RASGRF2: variants seen among roughly 807,000 people sequenced by gnomAD.
The protein encoded by RASGRF2 is ras-specific guanine nucleotide-releasing factor 2.
A neutral mutation model predicts 151.0 loss-of-function variants in RASGRF2; 76 were observed. That is an observed-to-expected ratio of 0.50 (90% confidence interval 0.42 to 0.61). RASGRF2 has a LOEUF of 0.61. Among genes scored for constraint, RASGRF2 ranks in the 20% least tolerant of loss-of-function variants. The pLI is 0.00. For synonymous variants in RASGRF2, 504 were observed against 566.5 expected, an observed-to-expected ratio of 0.89 and a Z score of 1.57; for missense variants, 1,148 against 1,564.6, an observed-to-expected ratio of 0.73 and a Z score of 4.49.
intron 17 of RASGRF2, among the ~76,000 whole-genome samples, chr5:81,156,943 CT>C (rs1351507354): frequency 2.0e-5 from 3 of 152,102 alleles, no homozygotes; most frequent in Non-Finnish European, 4.4e-5. Flanking sequence ...CAAAAAGCCC[CT>C]ACTCAAACTA....
intron 17 of RASGRF2, among the ~76,000 whole-genome samples, chr5:81,140,048 C>A (rs1160783665): frequency 6.6e-6 from 1 of 152,004 alleles, no homozygotes; most frequent in East Asian, 1.9e-4. Context: ...AGGCTGGTCT[C>A]CAACCCCCGT....
In RASGRF2 at chr5:81,141,724, C is replaced by T. The variant is rs1753889824; in HGVS notation, c.2686+14561C>T. On this transcript the variant is annotated intron_variant, in intron 17 of 26. Coordinates refer to ENST00000265080, the MANE Select transcript of RASGRF2 (RefSeq NM_006909.3). ...CTAGCATTCCCCTAAGTGATAGACA[C>T]AGCAGTTTGGGGACTCCAGAGAGAT... is the stretch of plus-strand genomic sequence containing the variant. Among the ~76,000 whole-genome samples, 4 of 152,166 alleles carry T rather than the reference C, an allele frequency of 2.6e-5. No homozygotes were observed. The South Asian group carries it at 8.3e-4, about 32-fold the overall frequency.
At chr5:80,968,946 A>G (rs535017441) in intron 1 of RASGRF2, among the ~76,000 whole-genome samples, 4 of 152,132 alleles carry the variant, frequency 2.6e-5, no homozygotes, top group African/African-American at 7.2e-5. Context: ...GGCCTCCCAA[A>G]GTGCTGAGAT....
chr5:81,148,514 T>C (rs1402350079), intron 17 of RASGRF2, among the ~76,000 whole-genome samples: 2 of 152,210 alleles, frequency 1.3e-5, no homozygotes, highest in East Asian at 3.9e-4. Context: ...TTTAGGGATC[T>C]GAACCTATTT....
At position 81,180,406 on chromosome 5, in the gene RASGRF2, TAGGAA is replaced by T. The variant is rs1301257888; in HGVS notation, c.2793+126_2793+130del. On this transcript the variant is annotated intron_variant, in intron 18 of 26. Transcript: ENST00000265080. ...AATGTGAAACCTTGACACTGGAACT[TAGGAA>T]GGGAAGAAATAGGCTAGGCATACAG... is the stretch of plus-strand genomic sequence containing the variant. 8 of 641,550 alleles carry T rather than the reference TAGGAA, an allele frequency of 1.2e-5. No homozygotes were observed. In the African/African-American group the frequency reaches 1.3e-4, roughly 10 times the overall value. 39.7% of individuals were successfully genotyped at this position (641,550 alleles called of 1,614,324 possible).
chr5:81,088,871 T>G (rs1444978476), intron 9 of RASGRF2, among the ~76,000 whole-genome samples: 1 of 152,178 alleles, frequency 6.6e-6, no homozygotes, highest in African/African-American at 2.4e-5. Flanking sequence ...ATGAACAATT[T>G]CTCCCTTTAT....
intron 1 of RASGRF2, among the ~76,000 whole-genome samples, chr5:80,967,244 C>T (rs1371321014): frequency 1.3e-5 from 2 of 152,014 alleles, no homozygotes; most frequent in South Asian, 2.1e-4. Flanking sequence ...CAAAATTAGC[C>T]AGGCGTGGTG....
At chr5:81,127,923 C>CAAAAAAAAAAAAAAAAAAAAAAAA in intron 17 of RASGRF2, among the ~76,000 whole-genome samples, 1 of 64,882 alleles carries the variant, frequency 1.5e-5, no homozygotes, top group Non-Finnish European at 2.9e-5. Flanking sequence ...GACTCCGTCT[C>CAAAAAAAAAAAAAAAAAAAAAAAA]AAAAAAAAAA....
chr5:81,056,136 G>C (rs1751202306), intron 2 of RASGRF2, among the ~76,000 whole-genome samples: 1 of 152,018 alleles, frequency 6.6e-6, no homozygotes, highest in South Asian at 2.1e-4. Flanking sequence ...CTTCAGTTCT[G>C]CTCTGATCTT....
chr5:81,202,311 A>G, intron 19 of RASGRF2, among the ~76,000 whole-genome samples: 1 of 152,264 alleles, frequency 6.6e-6, no homozygotes, highest in South Asian at 2.1e-4. Flanking sequence ...CTCTTCATTT[A>G]CAACCTCTAG....
At chr5:81,147,627 T>C (rs572427478) in intron 17 of RASGRF2, among the ~76,000 whole-genome samples, 2 of 152,326 alleles carry the variant, frequency 1.3e-5, no homozygotes, top group South Asian at 4.1e-4. Context: ...CAAACAGCCA[T>C]GGGGGACCAA....
intron 1 of RASGRF2, among the ~76,000 whole-genome samples, chr5:80,982,323 G>A (rs902423202): frequency 1.3e-5 from 2 of 152,156 alleles, no homozygotes; most frequent in Admixed American, 6.5e-5. Flanking sequence ...TGACTTGGGC[G>A]GGGGTTAGTA....
At position 81,227,094 on chromosome 5, in the gene RASGRF2, C is replaced by T. The variant is rs1253838886; in HGVS notation, c.*1324C>T. On this transcript the variant is annotated 3_prime_UTR_variant, in exon 27 of 27. Coordinates refer to ENST00000265080, the MANE Select transcript of RASGRF2 (RefSeq NM_006909.3). ...AAGAGAAAAAATATAGTTCTATTTC[C>T]CTGAACCTGTTGCACCTGACATTTT... 1 of 152,162 alleles carries T rather than the reference C, an allele frequency of 6.6e-6. No individual in the cohort carries two copies. The highest frequency in any genetic ancestry group is 1.5e-5 in the Non-Finnish European group (1 of 68,022). 9.4% of individuals were successfully genotyped at this position (152,162 alleles called of 1,614,324 possible).
chr5:81,127,992 GA>G (rs1438511636), intron 17 of RASGRF2, among the ~76,000 whole-genome samples: 6 of 151,200 alleles, frequency 4.0e-5, no homozygotes, highest in African/African-American at 1.5e-4. Flanking sequence ...CAACAGTATG[GA>G]TGAACCTGAA....
intron 9 of RASGRF2, chr5:81,087,219 C>A (rs1192730795): frequency 7.1e-6 from 5 of 703,014 alleles, no homozygotes; most frequent in Non-Finnish European, 1.3e-5. Context: ...GCGGCCCGGA[C>A]ATTCTCTGCA....
At chr5:81,176,768 T>C (rs1754784089) in intron 17 of RASGRF2, among the ~76,000 whole-genome samples, 6 of 152,158 alleles carry the variant, frequency 3.9e-5, no homozygotes, top group Admixed American at 3.3e-4. Flanking sequence ...TCTCATTAGA[T>C]GGGTATACCA....
intron 17 of RASGRF2, among the ~76,000 whole-genome samples, chr5:81,154,697 T>C (rs1422912731): frequency 1.3e-5 from 2 of 152,160 alleles, no homozygotes; most frequent in Non-Finnish European, 2.9e-5. Context: ...GTCTCAAATA[T>C]TTAGAAATTA....
chr5:81,054,337 C>T (rs1373791617), intron 2 of RASGRF2, among the ~76,000 whole-genome samples: 1 of 150,774 alleles, frequency 6.6e-6, no homozygotes, highest in Non-Finnish European at 1.5e-5. Flanking sequence ...TTCAGCTTTC[C>T]ACATGTGGCT....
chr5:81,212,682 A>C (rs1177178203), intron 23 of RASGRF2, 119 bp downstream of exon 23: 1 of 983,512 alleles, frequency 1.0e-6, no homozygotes, highest in East Asian at 2.7e-5. Flanking sequence ...TCAGTTGCCA[A>C]AGAAAGGTGC....
Sources: gnomAD v4.1 joint callset for allele counts (sites outside exome capture counted in the v4.1 genomes callset) on GRCh38, gnomAD v4.1.1 for gene constraint, MANE v1.5 for transcripts, NCBI Gene and HGNC (gene_info 2026-07-23, HGNC 2026-07-21) for gene names.